Variants in ITGB1 observed in about 807,000 individuals in gnomAD.
The protein encoded by ITGB1 is integrin beta-1.
In ITGB1, 24 loss-of-function variants were observed where a neutral mutation model predicts 86.5. The ratio of observed to expected loss-of-function variants is 0.28; its 90% CI spans 0.20 to 0.39. The LOEUF is 0.39. Among genes scored for constraint, ITGB1 ranks in the 10% least tolerant of loss-of-function variants. The pLI is 1.00. For synonymous variants in ITGB1, 323 were observed against 316.8 expected, an observed-to-expected ratio of 1.02 and a Z score of -0.21; for missense variants, 556 against 946.9, an observed-to-expected ratio of 0.59 and a Z score of 5.42.
At chr10:32,956,160 A>T in intron 1 of ITGB1, among the ~76,000 whole-genome samples, 1 of 152,196 alleles carries the variant, frequency 6.6e-6, no homozygotes. Context: ...TCACTTATAT[A>T]ATATTGATCA....
intron 1 of ITGB1, among the ~76,000 whole-genome samples, chr10:32,946,923 C>A (rs2095032684): frequency 6.6e-6 from 1 of 151,994 alleles, no homozygotes; most frequent in South Asian, 2.1e-4. Flanking sequence ...TGGCTCACTG[C>A]AACCTCCGCC....
intron 3 of ITGB1, among the ~76,000 whole-genome samples, chr10:32,931,124 G>A (rs1233132533): frequency 6.6e-6 from 1 of 152,014 alleles, no homozygotes; most frequent in Non-Finnish European, 1.5e-5. Flanking sequence ...ATCAACAACT[G>A]GAAGGGAATA....
chr10:32,920,302 C>G lies in ITGB1; in HGVS notation c.1212G>C (p.Gly404=), dbSNP rs1456806822. The G allele has an allele frequency of 6.2e-7, 1 of 1,613,342 alleles. No individual in the cohort carries two copies. The highest frequency in any genetic ancestry group is 1.3e-5 in the African/African-American group (1 of 74,868). ...TISYKSYCKN[G]VNGTGENGRK... ...TTCCATTTTCCCCTGTTCCATTCACCCCGTTCTTGCAGTAAGATTTGTAAC... is the reference window on the plus strand; with the variant it reads ...TTCCATTTTCCCCTGTTCCATTCACGCCGTTCTTGCAGTAAGATTTGTAAC... The change falls in exon 10 of 16, where the codon GGG becomes GGC. Residue 404 remains glycine (G), a synonymous_variant. Transcript: ENST00000302278.
intron 15 of ITGB1, among the ~76,000 whole-genome samples, chr10:32,903,812 G>A (rs1001897054): frequency 1.3e-5 from 2 of 152,018 alleles, no homozygotes; most frequent in African/African-American, 4.8e-5. Context: ...CTGGATTTTG[G>A]CAACTACTAT....
chr10:32,911,439 A>C lies in ITGB1; in HGVS notation c.1931+9T>G. Reference sequence around the variant, plus strand: ...TATCAACTATTTCAAGCAATTAGGAAATACTTACTTATGCTCAGCACAGAC... The same window carrying C: ...TATCAACTATTTCAAGCAATTAGGACATACTTACTTATGCTCAGCACAGAC... On this transcript the variant is annotated intron_variant, in intron 13 of 15. Transcript: ENST00000302278. The C allele has an allele frequency of 6.2e-7, 1 of 1,612,172 alleles. No homozygotes were observed. The highest frequency in any genetic ancestry group is 1.1e-5 in the South Asian group (1 of 91,034).
At chr10:32,947,709 A>G (rs563142376) in intron 1 of ITGB1, among the ~76,000 whole-genome samples, 15 of 152,348 alleles carry the variant, frequency 9.8e-5, no homozygotes, top group African/African-American at 3.4e-4. Context: ...ATCAAAAAAT[A>G]AAACACTGAG....
intron 15 of ITGB1, chr10:32,906,949 C>A (rs3824602): frequency 4.0e-6 from 2 of 497,202 alleles, no homozygotes; most frequent in Non-Finnish European, 7.5e-6. Context: ...GCCACAATAG[C>A]GATATTTAAA....
At chr10:32,952,102 C>T (rs1253659681) in intron 1 of ITGB1, among the ~76,000 whole-genome samples, 1 of 151,936 alleles carries the variant, frequency 6.6e-6, no homozygotes, top group Non-Finnish European at 1.5e-5. Context: ...CCATGATAAA[C>T]ATAGGAAAAA....
At chr10:32,920,450 A>G in intron 9 of ITGB1, 65 bp from the exon 10 acceptor site, 1 of 1,442,412 alleles carries the variant, frequency 6.9e-7, no homozygotes, top group Non-Finnish European at 9.6e-7. Context: ...GCATAAAACC[A>G]ATGGATAAAC....
At chr10:32,950,003 A>C (rs2095039675) in intron 1 of ITGB1, among the ~76,000 whole-genome samples, 1 of 152,144 alleles carries the variant, frequency 6.6e-6, no homozygotes, top group Non-Finnish European at 1.5e-5. Flanking sequence ...CTAAAAGCCA[A>C]CTCAAATAAA....
intron 7 of ITGB1, 92 bp from the exon 8 acceptor site, chr10:32,922,827 T>G (rs1377702457): frequency 1.5e-6 from 1 of 671,078 alleles, no homozygotes; most frequent in Non-Finnish European, 2.5e-6. Context: ...AGATTACACA[T>G]AACTCGATTA....
At chr10:32,923,958 G>T (rs546801435) in intron 6 of ITGB1, among the ~76,000 whole-genome samples, 4 of 152,060 alleles carry the variant, frequency 2.6e-5, no homozygotes, top group African/African-American at 4.8e-5. Flanking sequence ...CTGACCATCC[G>T]TATCTCTCAA....
In ITGB1 at chr10:32,945,383, G is replaced by A. The variant is rs570850223; in HGVS notation, c.1-9825C>T. 2.0e-5 allele frequency among the ~76,000 whole-genome samples: 3 copies of A among 152,170 alleles called. No homozygotes were observed. The East Asian group carries it at 5.8e-4, about 29-fold the overall frequency. ...GGGAGGCCGAGATGGTGCATCACGA[G>A]GTCAGGAGATCGAGACCATCCTGGC... On this transcript the variant is annotated intron_variant, in intron 1 of 15. Coordinates refer to ENST00000302278, the MANE Select transcript of ITGB1 (RefSeq NM_002211.4).
chr10:32,935,710 G>A (rs549437489), intron 1 of ITGB1, 152 bp from the exon 2 acceptor site: 98 of 589,018 alleles, frequency 1.7e-4, no homozygotes, highest in Admixed American at 1.4e-3. Context: ...ACAGACCCTC[G>A]CCCATCTCCC....
chr10:32,911,297 C>T, intron 13 of ITGB1, 151 bp downstream of exon 13: 1 of 651,218 alleles, frequency 1.5e-6, no homozygotes, highest in Non-Finnish European at 2.7e-6. Flanking sequence ...TGAGAAAGAA[C>T]TTTTAAGAAT....
chr10:32,957,488 G>T (rs1029138677), intron 1 of ITGB1, among the ~76,000 whole-genome samples: 11 of 152,260 alleles, frequency 7.2e-5, no homozygotes, highest in Middle Eastern at 3.4e-3. Flanking sequence ...CGGGGAAGTG[G>T]ACTGCACTGC....
chr10:32,929,817 C>A lies in ITGB1; in HGVS notation c.376+5G>T, dbSNP rs373655775. ...GCAGGTATTCACAGAGTTGGGCTTCCATACCTGATCTTAATCGCAAAACCA... is the reference window on the plus strand; with the variant it reads ...GCAGGTATTCACAGAGTTGGGCTTCAATACCTGATCTTAATCGCAAAACCA... On this transcript the variant is annotated splice_donor_5th_base_variant and intron_variant, in intron 4 of 15. Transcript: ENST00000302278. The A allele has an allele frequency of 3.0e-5, 46 of 1,549,606 alleles. No individual in the cohort carries two copies. The highest frequency in any genetic ancestry group is 2.7e-6 in the Non-Finnish European group (3 of 1,121,296).
intron 3 of ITGB1, among the ~76,000 whole-genome samples, chr10:32,930,980 T>C (rs1419827792): frequency 2.0e-5 from 3 of 152,152 alleles, no homozygotes; most frequent in African/African-American, 4.8e-5. Flanking sequence ...ATATGGTATT[T>C]ATTTATCAAA....
intron 1 of ITGB1, among the ~76,000 whole-genome samples, chr10:32,943,037 T>A (rs532467913): frequency 6.6e-6 from 1 of 152,148 alleles, no homozygotes; most frequent in Non-Finnish European, 1.5e-5. Context: ...AAATTAAAAA[T>A]ATTTTCACTG....
Sources: allele counts gnomAD v4.1 joint callset (sites outside exome capture counted in the v4.1 genomes callset), GRCh38; gene constraint gnomAD v4.1.1; transcripts MANE v1.5; gene names NCBI Gene and HGNC (gene_info 2026-07-23, HGNC 2026-07-21).